MAP3K13: variants seen among roughly 807,000 people sequenced by gnomAD.
MAP3K13 encodes the protein mitogen-activated protein kinase kinase kinase 13.
Under a neutral mutation model 104.0 loss-of-function variants are expected in MAP3K13, and 52 were observed. That is an observed-to-expected ratio of 0.50 (90% CI 0.40 to 0.63). The LOEUF (loss-of-function observed/expected upper bound fraction) is 0.63. Ranked by LOEUF, MAP3K13 falls within the 20% of genes least tolerant of loss-of-function variation. The pLI is 0.00. For missense variants in MAP3K13, 914 were observed against 1,218.5 expected (o/e 0.75, Z 3.72); for synonymous variants, 394 against 442.2 (o/e 0.89, Z 1.37).
intron 2 of MAP3K13, among the ~76,000 whole-genome samples, chr3:185,351,366 T>G (rs538549851): frequency 6.6e-6 from 1 of 152,356 alleles, no homozygotes; most frequent in South Asian, 2.1e-4. Flanking sequence ...TTTTAAAATG[T>G]GATTTTAAAA....
chr3:185,298,510 C>T (rs1332105625), intron 2 of MAP3K13, among the ~76,000 whole-genome samples: 7 of 152,122 alleles, frequency 4.6e-5, no homozygotes. Flanking sequence ...TGTAAGTATA[C>T]ATTATCCTAA....
Position 185,385,259 on chromosome 3 carries a change from T to A in MAP3K13, c.-86+21891T>A, listed in dbSNP as rs556860998. ...TCTGCCTCCCGGATTCAAGTGATTC[T>A]CCTGCCTCAGCCTCCCGAGTGGCTG... is the stretch of plus-strand genomic sequence containing the variant. On this transcript the variant is annotated intron_variant, in intron 1 of 13. Transcript: ENST00000265026. Among the ~76,000 whole-genome samples the A allele has an allele frequency of 5.9e-5, 9 of 152,340 alleles. No individual in the cohort carries two copies. The South Asian group carries it at 1.9e-3, about 32-fold the overall frequency.
intron 2 of MAP3K13, chr3:185,293,020 T>C: frequency 1.0e-6 from 1 of 985,384 alleles, no homozygotes; most frequent in Non-Finnish European, 1.2e-6. Flanking sequence ...TACAAATGTG[T>C]GTGTGTGAAC....
intron 2 of MAP3K13, among the ~76,000 whole-genome samples, chr3:185,433,992 T>G (rs1714889471): frequency 6.6e-6 from 1 of 152,122 alleles, no homozygotes. Context: ...AAAAAATAAT[T>G]TATATCTGTC....
chr3:185,394,223 A>C (rs1712246618), intron 1 of MAP3K13, among the ~76,000 whole-genome samples: 1 of 152,198 alleles, frequency 6.6e-6, no homozygotes, highest in Admixed American at 6.5e-5. Flanking sequence ...TATAGGTTTG[A>C]AAAATTATTC....
At chr3:185,462,434 T>C (rs1717159725) in intron 7 of MAP3K13, among the ~76,000 whole-genome samples, 1 of 152,208 alleles carries the variant, frequency 6.6e-6, no homozygotes, top group African/African-American at 2.4e-5. Flanking sequence ...TGCCTTTATC[T>C]TTGTCCTATA....
At chr3:185,388,653 A>G (rs116178257) in intron 1 of MAP3K13, among the ~76,000 whole-genome samples, 2,507 of 152,296 alleles carry the variant, frequency 0.016, 61 homozygotes, top group African/African-American at 0.057. Flanking sequence ...CAAAATACCA[A>G]TGATGTTCTT....
chr3:185,385,667 C>T, intron 1 of MAP3K13, among the ~76,000 whole-genome samples: 1 of 151,940 alleles, frequency 6.6e-6, no homozygotes, highest in Non-Finnish European at 1.5e-5. Flanking sequence ...TGCAAAAATC[C>T]CCAACATAAC....
intron 7 of MAP3K13, among the ~76,000 whole-genome samples, chr3:185,452,935 C>T (rs779379544): frequency 2.0e-5 from 3 of 152,204 alleles, no homozygotes; most frequent in Admixed American, 1.3e-4. Flanking sequence ...CCCAGATTCT[C>T]GGGATTGAGA....
chr3:185,370,117 A>G (rs1215481606), intron 1 of MAP3K13, among the ~76,000 whole-genome samples: 2 of 152,342 alleles, frequency 1.3e-5, no homozygotes, highest in Non-Finnish European at 2.9e-5. Flanking sequence ...TTAATTAACA[A>G]CATTAAATAA....
At position 185,422,830 on chromosome 3, in the gene MAP3K13, C is replaced by T. The variant is rs1327764632; in HGVS notation, c.-85-5667C>T. ...AGTCTGTGGCCTGTTAGGAACTGGGCGGAACAGCAGGAGGTGAGCAGCAGG... is the reference window on the plus strand; with the variant it reads ...AGTCTGTGGCCTGTTAGGAACTGGGTGGAACAGCAGGAGGTGAGCAGCAGG... On this transcript the variant is annotated intron_variant, in intron 1 of 13. Coordinates refer to ENST00000265026, the MANE Select transcript of MAP3K13 (RefSeq NM_004721.5). Among the ~76,000 whole-genome samples the T allele has an allele frequency of 3.3e-5, 5 of 152,042 alleles. No individual in the cohort carries two copies. In the East Asian group the frequency reaches 5.8e-4, roughly 18 times the overall value.
At chr3:185,331,086 A>ATTGGC (rs1722251915) in intron 2 of MAP3K13, among the ~76,000 whole-genome samples, 3 of 110,168 alleles carry the variant, frequency 2.7e-5, no homozygotes, top group South Asian at 2.9e-4. Flanking sequence ...TTTTAACCTA[A>ATTGGC]TTTACCTTTT....
intron 7 of MAP3K13, among the ~76,000 whole-genome samples, chr3:185,461,484 C>G (rs1378553722): frequency 9.4e-6 from 1 of 106,924 alleles, no homozygotes; most frequent in Non-Finnish European, 2.2e-5. Flanking sequence ...AGAATAACTA[C>G]TTACTTGATC....
At chr3:185,454,534 A>G (rs1577581078) in intron 7 of MAP3K13, among the ~76,000 whole-genome samples, 1 of 29,380 alleles carries the variant, frequency 3.4e-5, no homozygotes, top group Non-Finnish European at 9.7e-5. Flanking sequence ...CATATATATG[A>G]GATATATATA....
chr3:185,343,730 T>C (rs1722810746), intron 2 of MAP3K13, among the ~76,000 whole-genome samples: 1 of 152,118 alleles, frequency 6.6e-6, no homozygotes, highest in Admixed American at 6.5e-5. Context: ...GGATTACAGG[T>C]GTAAGCCACT....
At chr3:185,471,306 C>CTTTTT (rs748807847) in intron 10 of MAP3K13, among the ~76,000 whole-genome samples, 31 of 83,418 alleles carry the variant, frequency 3.7e-4, no homozygotes, top group Middle Eastern at 6.8e-3. Flanking sequence ...ATGACCTTTG[C>CTTTTT]TTTTTTTTTT....
intron 1 of MAP3K13, among the ~76,000 whole-genome samples, chr3:185,368,972 A>G (rs1169195302): frequency 1.3e-5 from 2 of 151,662 alleles, no homozygotes; most frequent in Admixed American, 1.3e-4. Context: ...AAAAAAAAAA[A>G]ACCAAGTAGA....
At chr3:185,384,329 TGTGTGTGTGA>T (rs1353110614) in intron 1 of MAP3K13, among the ~76,000 whole-genome samples, 3 of 151,906 alleles carry the variant, frequency 2.0e-5, no homozygotes, top group Non-Finnish European at 4.4e-5. Context: ...TGTGTGTGTG[TGTGTGTGTGA>T]GACACATTGT....
chr3:185,424,130 G>A (rs554945548), intron 1 of MAP3K13, among the ~76,000 whole-genome samples: 1 of 152,318 alleles, frequency 6.6e-6, no homozygotes, highest in African/African-American at 2.4e-5. Context: ...GCCTGGTACA[G>A]GAGAGAATGT....
Sources: allele counts gnomAD v4.1 joint callset (sites outside exome capture counted in the v4.1 genomes callset), GRCh38; gene constraint gnomAD v4.1.1; transcripts MANE v1.5; gene names NCBI Gene and HGNC (gene_info 2026-07-23, HGNC 2026-07-21).